ADSL: variants seen among roughly 807,000 people sequenced by gnomAD.
The protein encoded by ADSL is adenylosuccinate lyase.
ADSL carries 44 observed loss-of-function variants against 62.1 expected under a neutral mutation model. The ratio of observed to expected loss-of-function variants is 0.71; its 90% CI spans 0.56 to 0.91. The LOEUF (loss-of-function observed/expected upper bound fraction) is 0.91, where lower values mean the gene tolerates loss of function less well. Among genes scored for constraint, ADSL ranks in the 40% least tolerant of loss-of-function variants. The pLI is 0.00. For missense variants in ADSL, 531 were observed against 627.4 expected (o/e 0.85, Z 1.64); for synonymous variants, 198 against 220.5 (o/e 0.90, Z 0.90).
intron 2 of ADSL, among the ~76,000 whole-genome samples, chr22:40,376,067 AC>A (rs1323058690): frequency 6.6e-6 from 1 of 151,812 alleles, no homozygotes; most frequent in Admixed American, 6.6e-5. Flanking sequence ...AAAAAAAAAA[AC>A]AAGATATGAA....
intron 2 of ADSL, 98 bp downstream of exon 2, chr22:40,350,133 C>A: frequency 6.6e-5 from 59 of 889,234 alleles, no homozygotes; most frequent in Non-Finnish European, 9.3e-5. Flanking sequence ...CACTATAGAT[C>A]TTTTTTTTTT....
At chr22:40,353,517 C>A in intron 3 of ADSL, 1 of 647,722 alleles carries the variant, frequency 1.5e-6, no homozygotes, top group Non-Finnish European at 2.8e-6. Flanking sequence ...CTCCTGAGCT[C>A]AAGGGATCCA....
downstream of ADSL, among the ~76,000 whole-genome samples, chr22:40,370,905 G>A (rs2146694865): frequency 6.6e-6 from 1 of 152,332 alleles, no homozygotes; most frequent in East Asian, 1.9e-4. Context: ...GGGCGGGGAG[G>A]TCGGCTGCGT....
intron 6 of ADSL, among the ~76,000 whole-genome samples, chr22:40,359,919 T>G (rs1051283572): frequency 6.6e-6 from 1 of 152,222 alleles, no homozygotes; most frequent in African/African-American, 2.4e-5. Context: ...TTGTTACCAT[T>G]TTTGTTTCTT....
Position 40,364,977 on chromosome 22 carries a change from A to T in ADSL, c.1289A>T (p.Asp430Val). The T allele has an allele frequency of 6.2e-7, 1 of 1,614,092 alleles. No individual in the cohort carries two copies. Among genetic ancestry groups the T allele is most frequent in the South Asian group, 1.1e-5 (1 of 91,080 alleles). ...GACCTCATAGAGCGTATCCAGGTTGATGCCTACTTCAGTCCCATTCACTCC... is the reference window on the plus strand; with the variant it reads ...GACCTCATAGAGCGTATCCAGGTTGTTGCCTACTTCAGTCCCATTCACTCC... ...DNDLIERIQV[D>V]AYFSPIHSQL... Residue 430 changes from aspartate to valine, a missense_variant, in exon 12 of 13, where the codon GAT becomes GTT. Physicochemically the swap from Asp to Val is radical, Grantham distance 152. Around this residue, in one of 2 missense-constraint regions of ADSL, gnomAD observed 471 missense variants for 592.9 expected, o/e 0.79. Transcript: ENST00000623063.
chr22:40,386,443 G>C (rs149351501), intron 2 of ADSL, among the ~76,000 whole-genome samples: 1 of 151,976 alleles, frequency 6.6e-6, no homozygotes, highest in Admixed American at 6.6e-5. Context: ...CAATGGGCCT[G>C]TCTCTAGCTG....
intron 7 of ADSL, 115 bp downstream of exon 7, chr22:40,360,607 TTAA>T (rs1271043119): frequency 2.6e-6 from 2 of 765,280 alleles, no homozygotes; most frequent in Non-Finnish European, 4.4e-6. Context: ...TACATTAGTT[TTAA>T]TAATTTGTGG....
Position 40,360,474 on chromosome 22 carries a change from G to C in ADSL, c.774G>C (p.Leu258Phe). Residue 258 changes from leucine (L) to phenylalanine (F), a missense_variant, in exon 7 of 13, where the codon TTG (leucine) becomes TTC (phenylalanine). By Grantham distance (22) the Leu-to-Phe change is conservative (BLOSUM62 0). Around this residue, in one of 2 missense-constraint regions of ADSL, gnomAD observed 471 missense variants for 592.9 expected, o/e 0.79. Coordinates refer to ENST00000623063, the MANE Select transcript of ADSL (RefSeq NM_000026.4). The part of the protein sequence containing the change: ...DIEVLSVLAS[L>F]GASVHKICTD... ...AAGTACTGTCTGTGCTGGCTAGCTTGGGGGCATCAGTGCACAAGGTGAGTG... is the reference window on the plus strand; with the variant it reads ...AAGTACTGTCTGTGCTGGCTAGCTTCGGGGCATCAGTGCACAAGGTGAGTG... 2.5e-6 allele frequency: 4 copies of C among 1,613,998 alleles called. No individual in the cohort carries two copies. Among genetic ancestry groups the C allele is most frequent in the Middle Eastern group, 1.7e-4 (1 of 6,056 alleles).
intron 2 of ADSL, among the ~76,000 whole-genome samples, chr22:40,383,780 T>A (rs912020496): frequency 9.9e-5 from 15 of 152,206 alleles, no homozygotes; most frequent in Admixed American, 1.3e-4. Context: ...ACTCTTTGTT[T>A]AACATAAACG....
intron 2 of ADSL, chr22:40,350,375 C>G (rs1037059150): frequency 4.2e-5 from 11 of 262,440 alleles, no homozygotes; most frequent in Non-Finnish European, 6.7e-5. Context: ...ATCCACCCCC[C>G]TCAGCCTCCC....
chr22:40,364,279 A>C lies in ADSL; in HGVS notation c.1105A>C (p.Ile369Leu), dbSNP rs752104617. The C allele has an allele frequency of 5.0e-6, 8 of 1,613,750 alleles. No individual in the cohort carries two copies. Among genetic ancestry groups the C allele is most frequent in the Admixed American group, 1.7e-5 (1 of 59,978 alleles). The change falls in exon 11 of 13, where the codon ATT (isoleucine) becomes CTT (leucine). Residue 369 changes from isoleucine (I) to leucine (L), a missense_variant. This residue lies in a region of ADSL where 471 missense variants were observed against 592.9 expected (regional missense o/e 0.79). Coordinates refer to ENST00000623063, the MANE Select transcript of ADSL (RefSeq NM_000026.4). ...SEGLVVYPKV[I>L]ERRIRQELPF... ...TTCACCGTATCTTTTCCTATAGGTA[A>C]TTGAACGGCGCATTCGGCAAGAGCT...
chr22:40,364,746 A>G, intron 11 of ADSL, 134 bp from the exon 12 acceptor site: 1 of 924,792 alleles, frequency 1.1e-6, no homozygotes, highest in Non-Finnish European at 1.7e-6. Context: ...AGATAGACAC[A>G]GGAACCACCT....
intron 2 of ADSL, among the ~76,000 whole-genome samples, chr22:40,386,160 G>T (rs1234342743): frequency 6.6e-6 from 1 of 151,968 alleles, no homozygotes; most frequent in Non-Finnish European, 1.5e-5. Context: ...GATCACAAAT[G>T]TGAGCCACCA....
At chr22:40,359,344 T>G (rs759768270) in intron 6 of ADSL, 38 bp downstream of exon 6, 1 of 1,602,648 alleles carries the variant, frequency 6.2e-7, no homozygotes, top group Admixed American at 1.7e-5. Context: ...CCTGTTAAGT[T>G]GATGGAAGTC....
Position 40,360,406 on chromosome 22 carries a change from TTCA to T in ADSL, c.713_715del (p.Ile238del), listed in dbSNP as rs1338444971. The T allele has an allele frequency of 6.2e-7, 1 of 1,612,720 alleles. No individual in the cohort carries two copies. Among genetic ancestry groups the T allele is most frequent in the East Asian group, 2.2e-5 (1 of 44,876 alleles). On this transcript the variant is annotated inframe_deletion, in exon 7 of 13. Coordinates refer to ENST00000623063, the MANE Select transcript of ADSL (RefSeq NM_000026.4). ...CTCTCTTGTACTTATTCCTAGAGCT[TTCA>T]TCATCACAGGGCAGACATATACACG...
intron 2 of ADSL, among the ~76,000 whole-genome samples, chr22:40,383,141 A>G (rs759433990): frequency 3.9e-5 from 6 of 152,184 alleles, no homozygotes; most frequent in Non-Finnish European, 8.8e-5. Context: ...CAGTTTATAG[A>G]TAAGGCACCT....
intron 2 of ADSL, chr22:40,376,293 G>C (rs1601708893): frequency 7.1e-6 from 1 of 140,150 alleles, no homozygotes; most frequent in East Asian, 2.1e-4. Flanking sequence ...TTGCTTGTCT[G>C]CTTGCTTGAT....
rs8192461 is a variant in ADSL, at chr22:40,361,505, T to C, written c.880T>C (p.Tyr294His). Residue 294 changes from tyrosine to histidine, a missense_variant, in exon 9 of 13, where the codon TAT becomes CAT. By Grantham distance (83) the Tyr-to-His change is moderately conservative (BLOSUM62 2). Around this residue, in one of 2 missense-constraint regions of ADSL, gnomAD observed 471 missense variants for 592.9 expected, o/e 0.79. Transcript: ENST00000623063. Reference sequence around the variant, plus strand: ...ATGGGCAGGCTCAAGTGCGATGCCATATAAGCGGAATCCCATGCGTTCAGA... The same window carrying C: ...ATGGGCAGGCTCAAGTGCGATGCCACATAAGCGGAATCCCATGCGTTCAGA... ...KQQIGSSAMP[Y>H]KRNPMRSERC... 6.9e-4 allele frequency: 1,110 copies of C among 1,614,200 alleles called. 8 individuals carry two copies. Among genetic ancestry groups the C allele is most frequent in the Non-Finnish European group, 1.7e-4 (201 of 1,180,050 alleles).
intron 7 of ADSL, 41 bp from the exon 8 acceptor site, chr22:40,361,232 C>A: frequency 6.3e-7 from 1 of 1,586,390 alleles, no homozygotes; most frequent in African/African-American, 1.3e-5. Context: ...CTACTGCACA[C>A]TGACAGTGTG....
Sources: allele counts gnomAD v4.1 joint callset (sites outside exome capture counted in the v4.1 genomes callset), GRCh38; gene constraint gnomAD v4.1.1; regional missense constraint gnomAD v4.1.1; transcripts MANE v1.5; gene names NCBI Gene and HGNC (gene_info 2026-07-23, HGNC 2026-07-21).